Variants in RBL1 observed in about 807,000 individuals in gnomAD.
RBL1 encodes the protein retinoblastoma-like protein 1.
A neutral mutation model predicts 123.0 loss-of-function variants in RBL1; 82 were observed. That is an observed-to-expected ratio of 0.67 (90% CI 0.56 to 0.80). The LOEUF (loss-of-function observed/expected upper bound fraction) is 0.80, where lower values mean the gene tolerates loss of function less well. RBL1 is among the 30% of genes least tolerant of loss of function. The pLI is 0.00. For synonymous variants in RBL1, 405 were observed against 441.3 expected (o/e 0.92, Z 1.03); for missense variants, 1,171 against 1,299.6 (o/e 0.90, Z 1.52).
intron 2 of RBL1, among the ~76,000 whole-genome samples, chr20:37,087,007 T>C (rs1272286265): frequency 1.3e-5 from 2 of 152,118 alleles, no homozygotes; most frequent in Admixed American, 6.5e-5. Flanking sequence ...CAAAAGTTAA[T>C]AGGAGACAAA....
At chr20:37,043,618 C>A (rs139417972) in intron 13 of RBL1, among the ~76,000 whole-genome samples, 11 of 152,156 alleles carry the variant, frequency 7.2e-5, no homozygotes, top group African/African-American at 2.2e-4. Context: ...GTAGTCAGTG[C>A]ACCATCTTTG....
intron 15 of RBL1, 78 bp downstream of exon 15, chr20:37,035,164 C>A: frequency 1.8e-5 from 24 of 1,310,086 alleles, no homozygotes; most frequent in South Asian, 1.3e-4. Flanking sequence ...TTAGAAAAAC[C>A]ATGTGATCTA....
At chr20:37,057,985 C>G (rs1600547656) in intron 9 of RBL1, among the ~76,000 whole-genome samples, 1 of 151,656 alleles carries the variant, frequency 6.6e-6, no homozygotes, top group Non-Finnish European at 1.5e-5. Context: ...ATTAGCCGGG[C>G]GTGGTGGTGC....
intron 1 of RBL1, among the ~76,000 whole-genome samples, chr20:37,091,344 G>A (rs1047683656): frequency 8.7e-5 from 13 of 149,216 alleles, no homozygotes; most frequent in African/African-American, 3.2e-4. Flanking sequence ...CGCAACGGGA[G>A]TGAGACTCCA....
At chr20:37,047,543 A>C (rs2064835439) in intron 11 of RBL1, among the ~76,000 whole-genome samples, 1 of 152,256 alleles carries the variant, frequency 6.6e-6, no homozygotes, top group South Asian at 2.1e-4. Flanking sequence ...CACAGAAATG[A>C]AAGGTAATAT....
intron 13 of RBL1, among the ~76,000 whole-genome samples, chr20:37,042,907 C>CAAAAAAAAAA (rs1245245162): frequency 1.9e-5 from 1 of 53,320 alleles, no homozygotes; most frequent in Non-Finnish European, 3.7e-5. Context: ...CCCCCCCCTC[C>CAAAAAAAAAA]AAAAAAAAAA....
intron 21 of RBL1, among the ~76,000 whole-genome samples, chr20:37,000,417 G>C (rs1203821827): frequency 8.3e-6 from 1 of 120,092 alleles, no homozygotes; most frequent in Non-Finnish European, 1.9e-5. Flanking sequence ...GGAGGGAGGT[G>C]GGGGGGTCAT....
chr20:37,093,917 A>G (rs1475044661), intron 1 of RBL1, among the ~76,000 whole-genome samples: 3 of 152,120 alleles, frequency 2.0e-5, no homozygotes, highest in Non-Finnish European at 2.9e-5. Flanking sequence ...GTGGGATTAC[A>G]GGTGTGAGCC....
intron 10 of RBL1, 113 bp from the exon 11 acceptor site, chr20:37,055,769 C>A (rs2064993576): frequency 2.8e-6 from 3 of 1,075,612 alleles, no homozygotes; most frequent in African/African-American, 1.6e-5. Context: ...GCAGGGCAGG[C>A]CGGGAATGGT....
At chr20:36,999,666 A>AT (rs1163577456) in intron 21 of RBL1, among the ~76,000 whole-genome samples, 189 of 151,974 alleles carry the variant, frequency 1.2e-3, no homozygotes, top group African/African-American at 4.4e-3. Context: ...TGGTTTTCGT[A>AT]TTTTTTTGGT....
intron 16 of RBL1, among the ~76,000 whole-genome samples, chr20:37,027,300 A>C (rs6017041): frequency 0.29 from 43,476 of 151,960 alleles, 6,377 homozygotes; most frequent in East Asian, 0.48. Flanking sequence ...GATCGTGCCT[A>C]TGCACTCTAG....
At chr20:37,095,406 GCT>G (rs891482794) in intron 1 of RBL1, among the ~76,000 whole-genome samples, 2 of 152,182 alleles carry the variant, frequency 1.3e-5, no homozygotes, top group Non-Finnish European at 2.9e-5. Context: ...TCCATTTAAA[GCT>G]CTGGGCAGTG....
chr20:37,047,109 G>C lies in RBL1; in HGVS notation c.1549C>G (p.Arg517Gly), dbSNP rs149999468. 1.9e-6 allele frequency: 3 copies of C among 1,605,150 alleles called. No individual in the cohort carries two copies. The highest frequency in any genetic ancestry group is 1.8e-5 in the Admixed American group (1 of 56,852). Residue 517 changes from arginine (R) to glycine (G), a missense_variant, in exon 12 of 22, where the codon CGT becomes GGT. Coordinates refer to ENST00000373664, the MANE Select transcript of RBL1 (RefSeq NM_002895.5). ...ACTTCAATAATCCAAGGAAAAGTAC[G>C]AGGTGAGCTATAGGCAAAGAGCACA... ...EIVLFAYSSP[R>G]TFPWIIEVLN... is the part of the protein sequence containing the mutation.
chr20:37,038,648 G>C (rs537111587), intron 14 of RBL1, among the ~76,000 whole-genome samples: 1 of 144,828 alleles, frequency 6.9e-6, no homozygotes, highest in Non-Finnish European at 1.5e-5. Context: ...TGTCCGCCAG[G>C]CTGGGGTCCA....
chr20:37,054,805 G>C (rs893742735), intron 11 of RBL1, among the ~76,000 whole-genome samples: 7 of 152,058 alleles, frequency 4.6e-5, no homozygotes, highest in African/African-American at 1.7e-4. Context: ...ACTCCAGCCT[G>C]GGCAACAGAG....
intron 19 of RBL1, 62 bp downstream of exon 19, chr20:37,018,217 T>G (rs977735760): frequency 1.4e-6 from 2 of 1,455,272 alleles, no homozygotes; most frequent in African/African-American, 1.4e-5. Flanking sequence ...TGACACCCAC[T>G]GTATTATGTA....
intron 19 of RBL1, among the ~76,000 whole-genome samples, chr20:37,015,297 T>A (rs183878754): frequency 2.0e-5 from 3 of 152,294 alleles, no homozygotes; most frequent in South Asian, 4.1e-4. Context: ...TAGTTTCTCA[T>A]AGAAAAAACA....
chr20:37,047,260 C>A, intron 11 of RBL1, 70 bp from the exon 12 acceptor site: 2 of 1,509,804 alleles, frequency 1.3e-6, no homozygotes, highest in Middle Eastern at 1.8e-4. Context: ...CATAAAGAAA[C>A]CTATAAAAAC....
intron 12 of RBL1, among the ~76,000 whole-genome samples, chr20:37,045,268 G>A (rs2064803093): frequency 6.6e-6 from 1 of 151,826 alleles, no homozygotes; most frequent in African/African-American, 2.4e-5. Flanking sequence ...CCCCATGCCT[G>A]GCTAATTTTT....
Sources: allele counts gnomAD v4.1 joint callset (sites outside exome capture counted in the v4.1 genomes callset), GRCh38; gene constraint gnomAD v4.1.1; transcripts MANE v1.5; gene names NCBI Gene and HGNC (gene_info 2026-07-23, HGNC 2026-07-21).